The following FMNL3 variants were observed in gnomAD, a reference collection of about 807,000 sequenced individuals.
The protein encoded by FMNL3 is formin-like protein 3.
A neutral mutation model predicts 119.6 loss-of-function variants in FMNL3; 57 were observed. The observed-to-expected ratio is 0.48, with a 90% CI of 0.39 to 0.59. FMNL3 has a LOEUF of 0.59. Ranked by LOEUF, FMNL3 falls within the 20% of genes least tolerant of loss-of-function variation. FMNL3 has a pLI of 0.00. For synonymous variants in FMNL3, 491 were observed against 507.3 expected, an observed-to-expected ratio of 0.97 and a Z score of 0.43; for missense variants, 1,053 against 1,323.5, an observed-to-expected ratio of 0.80 and a Z score of 3.17.
At position 49,707,040 on chromosome 12, in the gene FMNL3, G is replaced by A. The variant is rs1307837959; in HGVS notation, c.126+15C>T. 3.2e-6 allele frequency: 5 copies of A among 1,569,008 alleles called. No homozygotes were observed. Among genetic ancestry groups the A allele is most frequent in the Non-Finnish European group, 3.5e-6 (4 of 1,157,444 alleles). ...GGGGCGGTACGCGGGGGAAGGGGCT[G>A]GGCTCAGCTCTCACCAGCACCAGGG... On this transcript the variant is annotated intron_variant, in intron 1 of 25. Coordinates refer to ENST00000335154, the MANE Select transcript of FMNL3 (RefSeq NM_175736.5).
At chr12:49,659,898 C>G in intron 5 of FMNL3, 1 of 985,470 alleles carries the variant, frequency 1.0e-6, no homozygotes, top group Non-Finnish European at 1.2e-6. Context: ...CTTACAGGTT[C>G]TTCTCCCCCA....
intron 1 of FMNL3, among the ~76,000 whole-genome samples, chr12:49,670,915 A>G (rs868552482): frequency 5.2e-4 from 79 of 152,366 alleles, no homozygotes; most frequent in African/African-American, 1.9e-3. Flanking sequence ...GATGAACTCA[A>G]GACAGAACTG....
In FMNL3 at chr12:49,704,200, TCAAA is replaced by T. The variant is rs1048714850; in HGVS notation, c.126+2851_126+2854del. On this transcript the variant is annotated intron_variant, in intron 1 of 25. Transcript: ENST00000335154. ...ATCAGATTAAGTAACTTGCTTGAGG[TCAAA>T]CACTCTTCTAACCAAAGACTATGGA... 8.5e-5 allele frequency among the ~76,000 whole-genome samples: 13 copies of T among 152,164 alleles called. 1 individual carries two copies. The highest frequency in any genetic ancestry group is 8.5e-4 in the Admixed American group (13 of 15,272).
intron 17 of FMNL3, 98 bp from the exon 18 acceptor site, chr12:49,650,023 C>CTTTGTGTT: frequency 2.8e-6 from 3 of 1,085,558 alleles, no homozygotes; most frequent in Non-Finnish European, 4.0e-6. Flanking sequence ...GGACAGGGGA[C>CTTTGTGTT]TGTACACGGA....
chr12:49,682,748 T>C (rs1944369243), intron 1 of FMNL3, among the ~76,000 whole-genome samples: 1 of 152,202 alleles, frequency 6.6e-6, no homozygotes, highest in Non-Finnish European at 1.5e-5. Flanking sequence ...TCATGTGATC[T>C]AATAATTCTG....
At chr12:49,674,928 G>C (rs77979744) in intron 1 of FMNL3, among the ~76,000 whole-genome samples, 2 of 152,190 alleles carry the variant, frequency 1.3e-5, no homozygotes, top group East Asian at 1.9e-4. Context: ...ATGAAGGAGA[G>C]GTCCTAAAAG....
chr12:49,672,034 G>A (rs1411686427), intron 1 of FMNL3, among the ~76,000 whole-genome samples: 2 of 152,164 alleles, frequency 1.3e-5, no homozygotes, highest in African/African-American at 2.4e-5. Context: ...TTTTATGTCT[G>A]TATGTGTCTG....
At chr12:49,702,928 C>T (rs1030400737) in intron 1 of FMNL3, among the ~76,000 whole-genome samples, 2 of 152,164 alleles carry the variant, frequency 1.3e-5, no homozygotes, top group African/African-American at 4.8e-5. Flanking sequence ...AAAGGAGGCC[C>T]CTCAAAGCCT....
intron 1 of FMNL3, among the ~76,000 whole-genome samples, chr12:49,705,102 T>C (rs1252040011): frequency 1.3e-5 from 2 of 152,162 alleles, no homozygotes; most frequent in African/African-American, 4.8e-5. Context: ...TTTCCCTGTA[T>C]TGGAAAACTG....
chr12:49,647,804 C>T lies in FMNL3; in HGVS notation c.2677G>A (p.Glu893Lys). The change falls in exon 23 of 26, where the codon GAG (glutamate) becomes AAG (lysine). Residue 893 changes from glutamate (E) to lysine (K), a missense_variant and splice_region_variant. By Grantham distance (56) the Glu-to-Lys change is moderately conservative (BLOSUM62 1). Around this residue, in one of 4 missense-constraint regions of FMNL3, gnomAD observed 324 missense variants for 380.9 expected, o/e 0.85. Transcript: ENST00000335154. This position sits in a 1 kb window ranked among gnomAD's most constrained non-coding sequence, Gnocchi z 4.9. ...TAGCGCACAACTGCATTGTAGGCCT[C>T]CTGGGGAAGGGGTGGGCAGAATGGG... ...KLQRDAKTAE[E>K]AYNAVVRYFG... 1.9e-6 allele frequency: 3 copies of T among 1,613,422 alleles called. No individual in the cohort carries two copies. Among genetic ancestry groups the T allele is most frequent in the Non-Finnish European group, 2.5e-6 (3 of 1,179,388 alleles).
chr12:49,692,499 C>G (rs1944632595), intron 1 of FMNL3, among the ~76,000 whole-genome samples: 2 of 152,320 alleles, frequency 1.3e-5, no homozygotes, highest in South Asian at 2.1e-4. Context: ...ATCCCCTCCA[C>G]AGTTCACCAC....
chr12:49,671,444 T>C (rs1434124988), intron 1 of FMNL3, among the ~76,000 whole-genome samples: 2 of 152,174 alleles, frequency 1.3e-5, no homozygotes, highest in African/African-American at 4.8e-5. Flanking sequence ...TGAAGTGTGA[T>C]AGGGAAGGAG....
At chr12:49,669,484 C>A (rs1052992766) in intron 1 of FMNL3, among the ~76,000 whole-genome samples, 1 of 152,180 alleles carries the variant, frequency 6.6e-6, no homozygotes, top group Non-Finnish European at 1.5e-5. Context: ...TTCAGTCAAA[C>A]CTTTCTTCTC....
intron 1 of FMNL3, among the ~76,000 whole-genome samples, chr12:49,697,347 T>C (rs1430396237): frequency 6.6e-6 from 1 of 152,194 alleles, no homozygotes; most frequent in Non-Finnish European, 1.5e-5. Flanking sequence ...CCACACACCA[T>C]GGCTCTGTCT....
At chr12:49,692,250 GGACT>G (rs951982972) in intron 1 of FMNL3, among the ~76,000 whole-genome samples, 12 of 151,810 alleles carry the variant, frequency 7.9e-5, no homozygotes, top group Admixed American at 5.3e-4. Context: ...CTACTTGGGA[GGACT>G]GATTGAGCCT....
intron 5 of FMNL3, among the ~76,000 whole-genome samples, chr12:49,660,823 T>G (rs560630912): frequency 1.3e-5 from 2 of 152,308 alleles, no homozygotes; most frequent in South Asian, 4.1e-4. Flanking sequence ...TAGCTAAGCA[T>G]GGTGGTATAC....
intron 13 of FMNL3, 71 bp downstream of exon 13, chr12:49,653,154 GA>G (rs979450832): frequency 1.1e-5 from 15 of 1,391,208 alleles, no homozygotes; most frequent in African/African-American, 8.5e-5. Flanking sequence ...ATGACTCAGG[GA>G]AAAAAAGCAG....
chr12:49,656,609 G>A (rs1943577345), intron 8 of FMNL3, 112 bp from the exon 9 acceptor site: 1 of 1,022,008 alleles, frequency 9.8e-7, no homozygotes, highest in Admixed American at 2.4e-5. Context: ...CCTCAGTGGT[G>A]AGGAGAGAGG....
rs1411085484 is a variant in FMNL3 at position 49,679,092 on chromosome 12, ACT to A, written c.127-10540_127-10539del. Among the ~76,000 whole-genome samples, 4 of 152,264 alleles carry A rather than the reference ACT, an allele frequency of 2.6e-5. No individual in the cohort carries two copies. In the East Asian group the frequency reaches 7.7e-4, roughly 29 times the overall value. ...ATTTATTGACAGAACTGCGATAAGC[ACT>A]CTATATGAATTATCTCATCTAATTC... On this transcript the variant is annotated intron_variant, in intron 1 of 25. Transcript: ENST00000335154.
Sources: allele counts gnomAD v4.1 joint callset (sites outside exome capture counted in the v4.1 genomes callset), GRCh38; gene constraint gnomAD v4.1.1; regional missense constraint gnomAD v4.1.1; non-coding constraint Gnocchi (gnomAD v3.1); transcripts MANE v1.5; gene names NCBI Gene and HGNC (gene_info 2026-07-23, HGNC 2026-07-21).